Variants in ANGPT1 observed in about 807,000 individuals in gnomAD.
ANGPT1 encodes the protein angiopoietin-1.
ANGPT1 carries 17 observed loss-of-function variants against 62.2 expected under a neutral mutation model. The observed-to-expected ratio is 0.27, with a 90% CI of 0.19 to 0.41. ANGPT1 has a LOEUF of 0.41. ANGPT1 is among the 10% of genes least tolerant of loss of function. The pLI is 1.00. For synonymous variants in ANGPT1, 199 were observed against 198.9 expected, an observed-to-expected ratio of 1.00 and a Z score of 0.00; for missense variants, 478 against 594.9, an observed-to-expected ratio of 0.80 and a Z score of 2.04.
intron 3 of ANGPT1, among the ~76,000 whole-genome samples, chr8:107,334,389 C>T (rs1181142590): frequency 6.6e-6 from 1 of 152,152 alleles, no homozygotes; most frequent in Non-Finnish European, 1.5e-5. Flanking sequence ...TGTAAAATGA[C>T]ATCTATCTCC....
At chr8:107,481,532 C>CAAA (rs71562147) in intron 1 of ANGPT1, among the ~76,000 whole-genome samples, 1,067 of 63,796 alleles carry the variant, frequency 0.017, 39 homozygotes, top group African/African-American at 0.053. Flanking sequence ...GACTCTGTCT[C>CAAA]AAAAAAAAAA....
intron 1 of ANGPT1, among the ~76,000 whole-genome samples, chr8:107,465,386 A>G (rs1812174306): frequency 6.6e-6 from 1 of 152,168 alleles, no homozygotes; most frequent in South Asian, 2.1e-4. Flanking sequence ...ATAAGAACTA[A>G]TCACAGTGAA....
intron 1 of ANGPT1, among the ~76,000 whole-genome samples, chr8:107,468,913 G>T (rs1314021799): frequency 2.6e-5 from 4 of 151,988 alleles, no homozygotes; most frequent in African/African-American, 9.7e-5. Flanking sequence ...TGGTAAAAAA[G>T]AGAATAGTAA....
intron 1 of ANGPT1, among the ~76,000 whole-genome samples, chr8:107,457,863 CA>C (rs1563631607): frequency 0.071 from 10,021 of 141,944 alleles, 576 homozygotes; most frequent in African/African-American, 0.17. Flanking sequence ...CACACACACA[CA>C]CACCAAGAGG....
At chr8:107,340,812 C>T (rs1815681088) in intron 2 of ANGPT1, among the ~76,000 whole-genome samples, 1 of 152,056 alleles carries the variant, frequency 6.6e-6, no homozygotes, top group African/African-American at 2.4e-5. Flanking sequence ...CTTTCAACGA[C>T]TCATTAACTT....
intron 1 of ANGPT1, among the ~76,000 whole-genome samples, chr8:107,481,874 G>T (rs1432937655): frequency 6.6e-6 from 1 of 152,102 alleles, no homozygotes. Context: ...CCCCATAATC[G>T]AATTCACCTC....
At chr8:107,258,628 G>C (rs986064226) in intron 8 of ANGPT1, among the ~76,000 whole-genome samples, 26 of 152,078 alleles carry the variant, frequency 1.7e-4, no homozygotes, top group African/African-American at 6.0e-4. Context: ...ATGAAACTTT[G>C]CCCGAGAAAA....
chr8:107,422,286 A>G (rs552813225), intron 1 of ANGPT1, among the ~76,000 whole-genome samples: 2 of 152,264 alleles, frequency 1.3e-5, no homozygotes, highest in East Asian at 1.9e-4. Context: ...GGAAAGAGGT[A>G]TCACGGTTCT....
chr8:107,494,206 T>A (rs1423230095), intron 1 of ANGPT1, among the ~76,000 whole-genome samples: 1 of 152,196 alleles, frequency 6.6e-6, no homozygotes, highest in Non-Finnish European at 1.5e-5. Context: ...CATATTTAAA[T>A]CTAAATATTT....
At chr8:107,494,963 T>C (rs1813055724) in intron 1 of ANGPT1, 2 of 152,172 alleles carry the variant, frequency 1.3e-5, no homozygotes, top group East Asian at 1.9e-4. Context: ...CTTCTTCCTA[T>C]GGCAACTACT....
intron 1 of ANGPT1, among the ~76,000 whole-genome samples, chr8:107,410,572 A>G (rs1817247965): frequency 6.6e-6 from 1 of 152,152 alleles, no homozygotes; most frequent in African/African-American, 2.4e-5. Flanking sequence ...AAGCTAGGTT[A>G]TTTCTGACCT....
intron 1 of ANGPT1, among the ~76,000 whole-genome samples, chr8:107,426,160 C>T (rs182107493): frequency 6.6e-6 from 1 of 152,276 alleles, no homozygotes; most frequent in African/African-American, 2.4e-5. Context: ...GAGAATTCTA[C>T]AACAACCAGC....
At chr8:107,348,161 T>C (rs1361084654) in intron 1 of ANGPT1, among the ~76,000 whole-genome samples, 1 of 152,088 alleles carries the variant, frequency 6.6e-6, no homozygotes, top group Non-Finnish European at 1.5e-5. Context: ...AGTCCTTAAC[T>C]CTCATACCAA....
chr8:107,416,016 C>G (rs62513200), intron 1 of ANGPT1, among the ~76,000 whole-genome samples: 1 of 152,092 alleles, frequency 6.6e-6, no homozygotes, highest in African/African-American at 2.4e-5. Flanking sequence ...AAAAAAACCC[C>G]ACAAACTCTC....
chr8:107,384,500 A>G (rs982881871), intron 1 of ANGPT1, among the ~76,000 whole-genome samples: 2 of 152,146 alleles, frequency 1.3e-5, no homozygotes, highest in Non-Finnish European at 1.5e-5. Flanking sequence ...TTTTACTTAT[A>G]ACACTGATAT....
intron 1 of ANGPT1, among the ~76,000 whole-genome samples, chr8:107,412,655 T>C (rs1194360883): frequency 1.3e-5 from 2 of 152,168 alleles, no homozygotes; most frequent in African/African-American, 2.4e-5. Flanking sequence ...GATAGAGTCA[T>C]GGTGATGAGC....
chr8:107,488,406 C>T (rs1812870416), intron 1 of ANGPT1, among the ~76,000 whole-genome samples: 1 of 152,046 alleles, frequency 6.6e-6, no homozygotes, highest in South Asian at 2.1e-4. Context: ...CTTGGAGGGC[C>T]AAGGGAAGAG....
rs1348336857 is a variant in ANGPT1, at chr8:107,393,490, T to C, written c.298-46393A>G. On this transcript the variant is annotated intron_variant, in intron 1 of 8. Coordinates refer to ENST00000517746, the MANE Select transcript of ANGPT1 (RefSeq NM_001146.5). The stretch of plus-strand genomic sequence containing the variant: ...AATTTAAAAAAATTTTAAAAGTGAA[T>C]GTGAAATATGATCTTTTTAAAAAAA... Among the ~76,000 whole-genome samples, 4 of 152,128 alleles carry C rather than the reference T, an allele frequency of 2.6e-5. 1 individual carries two copies. Among genetic ancestry groups the C allele is most frequent in the Admixed American group, 2.0e-4 (3 of 15,270 alleles).
At position 107,250,737 on chromosome 8, in the gene ANGPT1, G is replaced by A. The variant is rs937993427; in HGVS notation, c.*1118C>T. The A allele has an allele frequency of 4.6e-5, 7 of 151,888 alleles. No individual in the cohort carries two copies. Among genetic ancestry groups the A allele is most frequent in the African/African-American group, 1.7e-4 (7 of 41,390 alleles). 9.4% of individuals were successfully genotyped at this position (151,888 alleles called of 1,614,324 possible). On this transcript the variant is annotated 3_prime_UTR_variant, in exon 9 of 9. Coordinates refer to ENST00000517746, the MANE Select transcript of ANGPT1 (RefSeq NM_001146.5). ...CAAAGTGTTTCTTTTATAGACACTG[G>A]AACAGTGTGAATCTGGTAAGCATGT...
Sources: allele counts gnomAD v4.1 joint callset (sites outside exome capture counted in the v4.1 genomes callset), GRCh38; gene constraint gnomAD v4.1.1; transcripts MANE v1.5; gene names NCBI Gene and HGNC (gene_info 2026-07-23, HGNC 2026-07-21).